Variants in ZFP2 observed in about 807,000 individuals in gnomAD.
ZFP2 encodes zinc finger protein ZFP2.
In ZFP2, 33 loss-of-function variants were observed where a neutral mutation model predicts 36.1. The ratio of observed to expected loss-of-function variants is 0.92; its 90% CI spans 0.69 to 1.22. The LOEUF (loss-of-function observed/expected upper bound fraction) is 1.22, where lower values mean the gene tolerates loss of function less well. Among genes scored for constraint, ZFP2 ranks in the 50% most tolerant of loss-of-function variants. ZFP2 has a pLI of 0.00. For synonymous variants in ZFP2, 170 were observed against 178.0 expected (o/e 0.96, Z 0.36); for missense variants, 522 against 551.4 (o/e 0.95, Z 0.53).
At chr5:178,910,414 G>A (rs1011289761) in intron 1 of ZFP2, 5 of 834,534 alleles carry the variant, frequency 6.0e-6, no homozygotes, top group Non-Finnish European at 1.0e-5. Context: ...GAGGATGTTG[G>A]CAGCTGGCAG....
In ZFP2 at chr5:178,931,768, A is replaced by G; in HGVS notation, c.455A>G (p.His152Arg). The G allele has an allele frequency of 6.2e-7, 1 of 1,614,172 alleles. No homozygotes were observed. The highest frequency in any genetic ancestry group is 8.5e-7 in the Non-Finnish European group (1 of 1,180,020). Residue 152 changes from histidine to arginine, a missense_variant, in exon 5 of 5, where the codon CAT becomes CGT. Physicochemically the swap from His to Arg is conservative, Grantham distance 29. Transcript: ENST00000361362. ...RSSLTVHQRI[H>R]TGEKPYKCNE... ...TCCCTTACTGTACATCAAAGAATTC[A>G]TACTGGAGAGAAACCCTATAAATGT...
intron 1 of ZFP2, among the ~76,000 whole-genome samples, chr5:178,907,014 G>T (rs1758180237): frequency 6.6e-6 from 1 of 152,110 alleles, no homozygotes; most frequent in African/African-American, 2.4e-5. Flanking sequence ...AAAAATAACA[G>T]GAGGATCCTC....
chr5:178,912,963 T>C lies in ZFP2; in HGVS notation c.-313-19T>C, dbSNP rs1159050465. ...GGCTCAGTTCAGAACCCAAATTTAA[T>C]GTCTCTCCTCTTAAGCAGGAAATCA... is the stretch of plus-strand genomic sequence containing the variant. On this transcript the variant is annotated intron_variant, in intron 2 of 4. Transcript: ENST00000361362. 3.0e-6 allele frequency: 3 copies of C among 985,228 alleles called. No individual in the cohort carries two copies. The highest frequency in any genetic ancestry group is 3.6e-6 in the Non-Finnish European group (3 of 829,460). 61.0% of individuals were successfully genotyped at this position (985,228 alleles called of 1,614,324 possible). A position where few individuals can be genotyped will look rare whatever the true frequency, so the allele number is the denominator to read the frequency against.
At position 178,916,592 on chromosome 5, in the gene ZFP2, A is replaced by G; in HGVS notation, c.-196A>G. ...TTTCTTGGATATTGCTGTCAGATTA[A>G]TCTGACATTTAGTCCTCTCATTATC... On this transcript the variant is annotated 5_prime_UTR_variant, in exon 4 of 5. Transcript: ENST00000361362. The G allele has an allele frequency of 1.0e-6, 1 of 985,118 alleles. No homozygotes were observed. The highest frequency in any genetic ancestry group is 1.2e-6 in the Non-Finnish European group (1 of 829,902). The allele number at this position is 985,118 out of a possible 1,614,324, so 61.0% of individuals were successfully genotyped here. A position where few individuals can be genotyped will look rare whatever the true frequency, so the allele number is the denominator to read the frequency against.
Position 178,932,705 on chromosome 5 carries a change from G to A in ZFP2, c.*6G>A, listed in dbSNP as rs781385075. The A allele has an allele frequency of 6.3e-7, 1 of 1,578,052 alleles. No individual in the cohort carries two copies. The highest frequency in any genetic ancestry group is 1.2e-5 in the South Asian group (1 of 84,276). On this transcript the variant is annotated 3_prime_UTR_variant, in exon 5 of 5. Coordinates refer to ENST00000361362, the MANE Select transcript of ZFP2 (RefSeq NM_030613.4). Reference sequence around the variant, plus strand: ...ATCAAAGAACTCATACGTGAGGAATGTTTTCACTGGCCCTTACCTCATGAT... The same window carrying A: ...ATCAAAGAACTCATACGTGAGGAATATTTTCACTGGCCCTTACCTCATGAT...
chr5:178,929,229 T>A (rs573256843), intron 4 of ZFP2, among the ~76,000 whole-genome samples: 1 of 151,412 alleles, frequency 6.6e-6, no homozygotes, highest in East Asian at 1.9e-4. Flanking sequence ...CTTGGCTTAC[T>A]AGTACTTGGG....
chr5:178,917,441 C>T (rs928122567), intron 4 of ZFP2, among the ~76,000 whole-genome samples: 3 of 152,012 alleles, frequency 2.0e-5, no homozygotes, highest in Non-Finnish European at 4.4e-5. Flanking sequence ...ATGGTGAAAC[C>T]CCGTCTCTAC....
intron 4 of ZFP2, among the ~76,000 whole-genome samples, chr5:178,929,894 G>A (rs993946233): frequency 1.4e-4 from 20 of 147,742 alleles, no homozygotes; most frequent in Non-Finnish European, 2.8e-4. Flanking sequence ...GGTGTAATTG[G>A]CTCACAGTTC....
rs1214453929 is a variant in ZFP2 at position 178,931,207 on chromosome 5, A to G, written c.-77-30A>G. 4.0e-6 allele frequency: 6 copies of G among 1,498,342 alleles called. No individual in the cohort carries two copies. The Admixed American group carries it at 1.5e-4, about 38-fold the overall frequency. 92.8% of individuals were successfully genotyped at this position (1,498,342 alleles called of 1,614,324 possible). On this transcript the variant is annotated intron_variant, in intron 4 of 4. Transcript: ENST00000361362. ...TTCCAGTCTCCTAGCACAGAAACCA[A>G]TGTGCATTTGAATTTTTTTTTTTTT...
At chr5:178,917,024 A>C (rs568098605) in intron 4 of ZFP2, among the ~76,000 whole-genome samples, 5 of 152,354 alleles carry the variant, frequency 3.3e-5, no homozygotes, top group African/African-American at 1.2e-4. Context: ...GCAAATCCAG[A>C]AGTGCTGTCC....
intron 1 of ZFP2, among the ~76,000 whole-genome samples, chr5:178,896,252 G>A (rs1259812880): frequency 1.3e-5 from 2 of 152,212 alleles, no homozygotes; most frequent in Non-Finnish European, 1.5e-5. Context: ...TGGAATCACA[G>A]CCCCGGAGCA....
intron 3 of ZFP2, among the ~76,000 whole-genome samples, chr5:178,915,070 A>C (rs1758390448): frequency 6.6e-6 from 1 of 152,104 alleles, no homozygotes; most frequent in Admixed American, 6.5e-5. Context: ...TAACGCATAC[A>C]CTAACTTCAC....
intron 4 of ZFP2, among the ~76,000 whole-genome samples, chr5:178,924,139 C>G (rs762082734): frequency 6.7e-6 from 1 of 148,572 alleles, no homozygotes; most frequent in African/African-American, 2.4e-5. Flanking sequence ...TTTTTGAGGC[C>G]GAGGCGGGCG....
At position 178,931,687 on chromosome 5, in the gene ZFP2, C is replaced by T. The variant is rs755494555; in HGVS notation, c.374C>T (p.Thr125Ile). ...CTTCTTAAGCACCAGAGGATTCATA[C>T]TGGGGAGAAACCCTATAAGTGTAAT... ...SSLLKHQRIH[T>I]GEKPYKCNVC... is the part of the protein sequence containing the mutation. Residue 125 changes from threonine (T) to isoleucine (I), a missense_variant, in exon 5 of 5, where the codon ACT (threonine) becomes ATT (isoleucine). Physicochemically the swap from Thr to Ile is moderately conservative, Grantham distance 89 (BLOSUM62 -1). Transcript: ENST00000361362. The T allele has an allele frequency of 2.5e-6, 4 of 1,614,154 alleles. No individual in the cohort carries two copies. The highest frequency in any genetic ancestry group is 4.5e-5 in the East Asian group (2 of 44,872).
chr5:178,898,133 C>G (rs372745690), intron 1 of ZFP2, among the ~76,000 whole-genome samples: 4 of 152,204 alleles, frequency 2.6e-5, no homozygotes, highest in African/African-American at 9.6e-5. Flanking sequence ...GGATTACAGG[C>G]GCCCACCACC....
At chr5:178,928,730 A>G (rs1459215534) in intron 4 of ZFP2, among the ~76,000 whole-genome samples, 1 of 152,142 alleles carries the variant, frequency 6.6e-6, no homozygotes, top group African/African-American at 2.4e-5. Context: ...AGTGCATCTT[A>G]CATTCTGGAG....
intron 1 of ZFP2, among the ~76,000 whole-genome samples, chr5:178,896,769 G>T (rs560797507): frequency 6.6e-6 from 1 of 152,290 alleles, no homozygotes; most frequent in Non-Finnish European, 1.5e-5. Context: ...AATATTAGCA[G>T]CTTTTTCTCC....
chr5:178,901,307 T>C (rs1008921342), intron 1 of ZFP2, among the ~76,000 whole-genome samples: 9 of 152,238 alleles, frequency 5.9e-5, no homozygotes, highest in African/African-American at 1.9e-4. Context: ...TGCTCTTCCA[T>C]ACTTGGTGTA....
intron 4 of ZFP2, chr5:178,922,854 T>C: frequency 1.1e-6 from 1 of 938,558 alleles, no homozygotes. Flanking sequence ...TTGTAGCTTT[T>C]TAAACTATGA....
Sources: gnomAD v4.1 joint callset for allele counts (sites outside exome capture counted in the v4.1 genomes callset) on GRCh38, gnomAD v4.1.1 for gene constraint, MANE v1.5 for transcripts, NCBI Gene and HGNC (gene_info 2026-07-23, HGNC 2026-07-21) for gene names.